CHRM3: variants seen among roughly 807,000 people sequenced by gnomAD.
CHRM3 encodes the protein cholinergic receptor muscarinic 3, also known as muscarinic acetylcholine receptor M3.
In CHRM3, 11 loss-of-function variants were observed where a neutral mutation model predicts 41.8. The observed-to-expected ratio is 0.26, with a 90% CI of 0.17 to 0.44. The LOEUF is 0.44. CHRM3 is among the 20% of genes least tolerant of loss of function. The pLI is 1.00. For missense variants in CHRM3, 571 were observed against 745.4 expected, an observed-to-expected ratio of 0.77 and a Z score of 2.72; for synonymous variants, 297 against 301.4, an observed-to-expected ratio of 0.99 and a Z score of 0.15.
intron 1 of CHRM3, among the ~76,000 whole-genome samples, chr1:239,430,079 G>A (rs374166693): frequency 1.3e-4 from 20 of 149,336 alleles, no homozygotes; most frequent in African/African-American, 4.9e-4. Context: ...GCAATTCTCT[G>A]CCTCAGCCTC....
intron 5 of CHRM3, among the ~76,000 whole-genome samples, chr1:239,785,231 C>G (rs1668797635): frequency 6.6e-6 from 1 of 152,154 alleles, no homozygotes; most frequent in Non-Finnish European, 1.5e-5. Context: ...CCAAGCAGTT[C>G]AGGTCCAGCA....
chr1:239,894,699 G>A (rs550388511), intron 6 of CHRM3, among the ~76,000 whole-genome samples: 3 of 151,992 alleles, frequency 2.0e-5, no homozygotes, highest in African/African-American at 7.2e-5. Flanking sequence ...TCCCAAAGTG[G>A]TGGTATTACA....
At chr1:239,418,144 C>G (rs1253831658) in intron 1 of CHRM3, among the ~76,000 whole-genome samples, 1 of 152,160 alleles carries the variant, frequency 6.6e-6, no homozygotes, top group East Asian at 1.9e-4. Context: ...CAGATGAGCC[C>G]CCTGGGAGAG....
intron 5 of CHRM3, among the ~76,000 whole-genome samples, chr1:239,685,090 AT>A (rs1205702059): frequency 2.0e-5 from 3 of 152,094 alleles, no homozygotes; most frequent in Non-Finnish European, 4.4e-5. Flanking sequence ...ACCTTCTCTG[AT>A]TTCACAGGGC....
intron 2 of CHRM3, among the ~76,000 whole-genome samples, chr1:239,502,733 A>G (rs573215979): frequency 2.6e-5 from 4 of 152,160 alleles, no homozygotes; most frequent in Non-Finnish European, 5.9e-5. Flanking sequence ...AAGATAATCC[A>G]CCATGATCAA....
At chr1:239,906,586 C>G (rs1227815458) in intron 6 of CHRM3, among the ~76,000 whole-genome samples, 1 of 152,108 alleles carries the variant, frequency 6.6e-6, no homozygotes, top group Non-Finnish European at 1.5e-5. Flanking sequence ...CTTAGTTGTT[C>G]ATATACTCTG....
chr1:239,422,581 G>C (rs543876187), intron 1 of CHRM3, among the ~76,000 whole-genome samples: 4 of 152,112 alleles, frequency 2.6e-5, no homozygotes, highest in South Asian at 2.1e-4. Flanking sequence ...GGATCATGAG[G>C]TCAGGAGATA....
Position 239,673,076 on chromosome 1 carries a change from A to G in CHRM3, c.-249-5110A>G, listed in dbSNP as rs1470906409. 2.0e-5 allele frequency among the ~76,000 whole-genome samples: 3 copies of G among 152,124 alleles called. No individual in the cohort carries two copies. In the East Asian group the frequency reaches 5.8e-4, roughly 29 times the overall value. On this transcript the variant is annotated intron_variant, in intron 4 of 6. Coordinates refer to ENST00000676153, the MANE Select transcript of CHRM3 (RefSeq NM_001375978.1). ...CCCCAAATTAGCTTCGGTTTCTTCA[A>G]ATGCACGTTCTTCCTGCCCAGCAGA...
At position 239,844,171 on chromosome 1, in the gene CHRM3, C is replaced by T. The variant is rs369665915; in HGVS notation, c.-20+16793C>T. Among the ~76,000 whole-genome samples the T allele has an allele frequency of 6.6e-5, 10 of 152,136 alleles. 1 individual carries two copies. Among genetic ancestry groups the T allele is most frequent in the South Asian group, 6.2e-4 (3 of 4,826 alleles). The stretch of plus-strand genomic sequence containing the variant: ...CCATGCTTCCTATAGTTCTCTTGAA[C>T]GTATTCCTCCTAACAGAAATTTTGT... On this transcript the variant is annotated intron_variant, in intron 6 of 6. Coordinates refer to ENST00000676153, the MANE Select transcript of CHRM3 (RefSeq NM_001375978.1).
At chr1:239,731,797 A>G (rs1157174866) in intron 5 of CHRM3, among the ~76,000 whole-genome samples, 1 of 152,024 alleles carries the variant, frequency 6.6e-6, no homozygotes, top group Non-Finnish European at 1.5e-5. Flanking sequence ...TGTTTCCTCA[A>G]AAACAGAAAA....
chr1:239,785,047 C>T (rs1201842190), intron 5 of CHRM3, among the ~76,000 whole-genome samples: 1 of 152,128 alleles, frequency 6.6e-6, no homozygotes, highest in Non-Finnish European at 1.5e-5. Flanking sequence ...TCCAATTTGC[C>T]ATCTGCCAGT....
intron 5 of CHRM3, among the ~76,000 whole-genome samples, chr1:239,679,568 A>G (rs888793228): frequency 6.6e-6 from 1 of 152,178 alleles, no homozygotes; most frequent in Non-Finnish European, 1.5e-5. Context: ...TGTATGAAGT[A>G]ATTAACAGAT....
intron 5 of CHRM3, among the ~76,000 whole-genome samples, chr1:239,725,322 CTA>C (rs1229966079): frequency 6.6e-6 from 1 of 151,718 alleles, no homozygotes; most frequent in African/African-American, 2.4e-5. Context: ...TCCCAAAATA[CTA>C]TGTTATCAAT....
chr1:239,660,679 T>C (rs375934114), intron 4 of CHRM3, among the ~76,000 whole-genome samples: 1 of 152,100 alleles, frequency 6.6e-6, no homozygotes. Context: ...GGCCAGGAGT[T>C]GGAGACCAGC....
chr1:239,490,895 C>T (rs1445479792), intron 1 of CHRM3, among the ~76,000 whole-genome samples: 1 of 152,052 alleles, frequency 6.6e-6, no homozygotes, highest in African/African-American at 2.4e-5. Context: ...TGTGCACCAC[C>T]ATTCTGGGCT....
intron 1 of CHRM3, among the ~76,000 whole-genome samples, chr1:239,480,402 A>G (rs1666754901): frequency 6.6e-6 from 1 of 152,196 alleles, no homozygotes; most frequent in South Asian, 2.1e-4. Flanking sequence ...TGAGATTCAT[A>G]GCACATGAAC....
At chr1:239,882,508 T>C (rs1006445933) in intron 6 of CHRM3, among the ~76,000 whole-genome samples, 1 of 152,214 alleles carries the variant, frequency 6.6e-6, no homozygotes, top group Non-Finnish European at 1.5e-5. Context: ...AGATAGGTGC[T>C]GTTATCAACC....
chr1:239,636,021 A>G (rs1449079251), intron 4 of CHRM3, among the ~76,000 whole-genome samples: 1 of 152,234 alleles, frequency 6.6e-6, no homozygotes, highest in Non-Finnish European at 1.5e-5. Context: ...AGACAGTGGT[A>G]TAAATAGAAA....
chr1:239,898,640 G>C (rs1192598530), intron 6 of CHRM3, among the ~76,000 whole-genome samples: 1 of 152,030 alleles, frequency 6.6e-6, no homozygotes, highest in South Asian at 2.1e-4. Flanking sequence ...AAATTTATAC[G>C]CTTTTAATTG....
Sources: gnomAD v4.1 joint callset for allele counts (sites outside exome capture counted in the v4.1 genomes callset) on GRCh38, gnomAD v4.1.1 for gene constraint, MANE v1.5 for transcripts, NCBI Gene and HGNC (gene_info 2026-07-23, HGNC 2026-07-21) for gene names.